Variants in TRAPPC9 observed in about 807,000 individuals in gnomAD.
TRAPPC9 encodes trafficking protein particle complex subunit 9, also known as IKK2 binding protein.
A neutral mutation model predicts 124.0 loss-of-function variants in TRAPPC9; 83 were observed. The ratio of observed to expected loss-of-function variants is 0.67; its 90% confidence interval spans 0.56 to 0.80. The LOEUF (loss-of-function observed/expected upper bound fraction) is 0.80. TRAPPC9 is among the 30% of genes least tolerant of loss of function. The probability of loss-of-function intolerance (pLI) is 0.00; values close to 1 mark genes in which losing one functional copy is unlikely to be tolerated. For synonymous variants in TRAPPC9, 638 were observed against 617.5 expected, an observed-to-expected ratio of 1.03 and a Z score of -0.49; for missense variants, 1,302 against 1,508.3, an observed-to-expected ratio of 0.86 and a Z score of 2.27.
intron 21 of TRAPPC9, among the ~76,000 whole-genome samples, chr8:139,737,471 C>G (rs867385201): frequency 9.0e-6 from 1 of 111,152 alleles, no homozygotes; most frequent in Admixed American, 8.7e-5. Context: ...AGCCCTCCCC[C>G]CCCCCCCACG....
chr8:140,411,172 A>G (rs1009335324), intron 5 of TRAPPC9, among the ~76,000 whole-genome samples: 10 of 152,202 alleles, frequency 6.6e-5, no homozygotes, highest in African/African-American at 1.9e-4. Context: ...TTGACATAAC[A>G]GTAGAACTTC....
chr8:140,263,093 C>A (rs927999244), intron 15 of TRAPPC9, among the ~76,000 whole-genome samples: 2 of 152,216 alleles, frequency 1.3e-5, no homozygotes, highest in South Asian at 4.1e-4. Context: ...GTGCCCGATA[C>A]GATGGCCACC....
chr8:140,181,054 A>G (rs1359594539), intron 17 of TRAPPC9, among the ~76,000 whole-genome samples: 1 of 152,052 alleles, frequency 6.6e-6, no homozygotes, highest in Non-Finnish European at 1.5e-5. Flanking sequence ...TCTGCTTTCT[A>G]TTCCTGGATC....
intron 19 of TRAPPC9, chr8:139,932,941 C>G (rs1269675710): frequency 5.3e-6 from 1 of 187,056 alleles, no homozygotes; most frequent in Non-Finnish European, 1.1e-5. Flanking sequence ...CTCTTCTTCC[C>G]GGAACGCCCC....
chr8:139,958,825 T>A (rs1306338706), intron 19 of TRAPPC9, among the ~76,000 whole-genome samples: 1 of 152,146 alleles, frequency 6.6e-6, no homozygotes, highest in South Asian at 2.1e-4. Flanking sequence ...GTAGACACCA[T>A]GAGATGTGAC....
intron 21 of TRAPPC9, among the ~76,000 whole-genome samples, chr8:139,790,801 G>A (rs2130600563): frequency 6.6e-6 from 1 of 152,248 alleles, no homozygotes; most frequent in South Asian, 2.1e-4. Flanking sequence ...TTGGAGGTGG[G>A]GCCTGGTGTA....
At chr8:140,337,290 G>T (rs1588171422) in intron 9 of TRAPPC9, among the ~76,000 whole-genome samples, 1 of 152,088 alleles carries the variant, frequency 6.6e-6, no homozygotes. Context: ...CAGCACACAA[G>T]AGGTGTGTGA....
chr8:140,443,162 G>C (rs372859558), intron 2 of TRAPPC9, among the ~76,000 whole-genome samples: 8 of 118,510 alleles, frequency 6.8e-5, no homozygotes, highest in East Asian at 2.6e-4. Context: ...AAAGCCAGGC[G>C]CGGTGGCTCA....
rs533473214 is a variant in TRAPPC9 at position 140,162,564 on chromosome 8, G to A, written c.2556+58895C>T. Among the ~76,000 whole-genome samples, 191 of 152,336 alleles carry A rather than the reference G, an allele frequency of 1.3e-3. 1 individual carries two copies. Among genetic ancestry groups the A allele is most frequent in the African/African-American group, 4.4e-3 (182 of 41,566 alleles). On this transcript the variant is annotated intron_variant, in intron 17 of 22. Transcript: ENST00000438773. ...GAAAGATCAACAAACTATATCGCCT[G>A]TCCACGCTGCAAAATAATTCAGTTG...
At chr8:140,457,524 G>C (rs927330410) in intron 1 of TRAPPC9, 115 bp downstream of exon 1, 5 of 864,024 alleles carry the variant, frequency 5.8e-6, no homozygotes, top group Middle Eastern at 5.8e-4. Flanking sequence ...CGCCCGGACA[G>C]GTGAGGGCCG....
intron 11 of TRAPPC9, among the ~76,000 whole-genome samples, chr8:140,299,005 T>A (rs1326554444): frequency 6.6e-6 from 1 of 152,040 alleles, no homozygotes; most frequent in Admixed American, 6.5e-5. Context: ...GGGAAGAGAA[T>A]CCCAGACAGC....
chr8:140,021,659 G>A (rs1839845315), intron 18 of TRAPPC9, among the ~76,000 whole-genome samples: 1 of 152,146 alleles, frequency 6.6e-6, no homozygotes, highest in African/African-American at 2.4e-5. Context: ...TTAAACCAGT[G>A]ATCTCTTTAT....
chr8:140,283,533 G>A (rs1049246557), intron 14 of TRAPPC9, among the ~76,000 whole-genome samples: 1 of 150,982 alleles, frequency 6.6e-6, no homozygotes, highest in African/African-American at 2.4e-5. Context: ...TCCTGACCTT[G>A]TGATCCACCC....
At chr8:139,749,665 C>T (rs565614390) in intron 21 of TRAPPC9, among the ~76,000 whole-genome samples, 1 of 152,222 alleles carries the variant, frequency 6.6e-6, no homozygotes, top group Non-Finnish European at 1.5e-5. Flanking sequence ...TGGTGACAGC[C>T]AAAGCTTCAC....
At chr8:139,753,301 C>T (rs564157976) in intron 21 of TRAPPC9, among the ~76,000 whole-genome samples, 12 of 151,160 alleles carry the variant, frequency 7.9e-5, no homozygotes, top group South Asian at 4.3e-4. Flanking sequence ...ACCCATCTAC[C>T]GTCCATCCAT....
At chr8:139,732,297 C>T (rs1332458242) in intron 21 of TRAPPC9, 95 bp from the exon 22 acceptor site, 4 of 1,195,778 alleles carry the variant, frequency 3.3e-6, no homozygotes, top group African/African-American at 3.0e-5. Context: ...TTCTTCCCTC[C>T]TTCACTCTTC....
At chr8:140,133,753 C>T (rs1039892991) in intron 17 of TRAPPC9, among the ~76,000 whole-genome samples, 7 of 152,048 alleles carry the variant, frequency 4.6e-5, no homozygotes, top group Non-Finnish European at 5.9e-5. Context: ...TATTTCTACA[C>T]ACCAGCAATG....
At chr8:140,221,607 T>A in intron 16 of TRAPPC9, 24 bp from the exon 17 acceptor site, 1 of 1,609,480 alleles carries the variant, frequency 6.2e-7, no homozygotes. Flanking sequence ...ACAAAAATCA[T>A]AAGTAACACG....
chr8:140,092,985 T>C (rs1301228878), intron 17 of TRAPPC9, among the ~76,000 whole-genome samples: 5 of 151,222 alleles, frequency 3.3e-5, no homozygotes, highest in Non-Finnish European at 5.9e-5. Context: ...TTAGGCAGCA[T>C]ATATAAAGTA....
Sources: allele counts gnomAD v4.1 joint callset (sites outside exome capture counted in the v4.1 genomes callset), GRCh38; gene constraint gnomAD v4.1.1; transcripts MANE v1.5; gene names NCBI Gene and HGNC (gene_info 2026-07-23, HGNC 2026-07-21).